Variants in CLVS1 observed in about 807,000 individuals in gnomAD.
The protein encoded by CLVS1 is clavesin-1.
Under a neutral mutation model 33.1 loss-of-function variants are expected in CLVS1, and 10 were observed. That is an observed-to-expected ratio of 0.30 (90% CI 0.19 to 0.51). CLVS1 has a LOEUF of 0.51. Ranked by LOEUF, CLVS1 falls within the 20% of genes least tolerant of loss-of-function variation. CLVS1 has a pLI of 0.97. For missense variants in CLVS1, 343 were observed against 433.4 expected (o/e 0.79, Z 1.85); for synonymous variants, 163 against 166.1 (o/e 0.98, Z 0.14).
chr8:61,014,465 A>G, the CLVS1 span, among the ~76,000 whole-genome samples: 4 of 152,220 alleles, frequency 2.6e-5, no homozygotes, highest in Non-Finnish European at 5.9e-5. Context: ...TGGGACTTCT[A>G]GGAATTAAAG....
At chr8:61,234,109 AG>A in intron 2 of CLVS1, among the ~76,000 whole-genome samples, 1 of 152,228 alleles carries the variant, frequency 6.6e-6, no homozygotes, top group Non-Finnish European at 1.5e-5. Flanking sequence ...GTAGGAGGGT[AG>A]GGGGGCCAGC....
At position 61,328,146 on chromosome 8, in the gene CLVS1, C is replaced by A. The variant is rs1240941900; in HGVS notation, c.455+27864C>A. 3.9e-5 allele frequency among the ~76,000 whole-genome samples: 6 copies of A among 152,026 alleles called. No homozygotes were observed. In the East Asian group the frequency reaches 1.2e-3, roughly 29 times the overall value. On this transcript the variant is annotated intron_variant, in intron 2 of 5. Coordinates refer to ENST00000325897, the MANE Select transcript of CLVS1 (RefSeq NM_173519.3). ...AGGCTCTGGGAGTTTCATGAACTTG[C>A]CTGAGACCATAGCTGTAGTAAACGG...
At chr8:60,995,846 G>C in the CLVS1 span, among the ~76,000 whole-genome samples, 3 of 152,186 alleles carry the variant, frequency 2.0e-5, no homozygotes, top group African/African-American at 7.2e-5. Flanking sequence ...AAAATGATGA[G>C]TTCATGTCCT....
intron 3 of CLVS1, among the ~76,000 whole-genome samples, chr8:61,450,337 G>A (rs1816908354): frequency 6.6e-6 from 1 of 152,084 alleles, no homozygotes; most frequent in Non-Finnish European, 1.5e-5. Context: ...GCTTATCTAA[G>A]GTTTACAGGC....
chr8:61,359,577 A>C (rs1812885342), intron 2 of CLVS1, among the ~76,000 whole-genome samples: 1 of 152,062 alleles, frequency 6.6e-6, no homozygotes, highest in Non-Finnish European at 1.5e-5. Context: ...GCTGGTCTTG[A>C]ACTCCTGGCC....
chr8:61,483,611 A>G (rs971340984), intron 5 of CLVS1, among the ~76,000 whole-genome samples: 15 of 152,242 alleles, frequency 9.9e-5, no homozygotes, highest in African/African-American at 3.6e-4. Flanking sequence ...AGCCAACATC[A>G]TCCTGATACC....
intron 2 of CLVS1, among the ~76,000 whole-genome samples, chr8:61,372,460 G>A (rs537074699): frequency 6.6e-6 from 1 of 152,262 alleles, no homozygotes; most frequent in African/African-American, 2.4e-5. Flanking sequence ...TGTGAAGACA[G>A]TACAGAGACT....
At chr8:61,474,793 AG>A (rs2129607874) in intron 5 of CLVS1, among the ~76,000 whole-genome samples, 1 of 151,942 alleles carries the variant, frequency 6.6e-6, no homozygotes, top group Admixed American at 6.5e-5. Flanking sequence ...AAGCAGGGCA[AG>A]TCTTTTTTTT....
chr8:61,013,895 C>T, the CLVS1 span, among the ~76,000 whole-genome samples: 11 of 152,308 alleles, frequency 7.2e-5, no homozygotes, highest in South Asian at 1.0e-3. Context: ...CTGAGGACCC[C>T]GAGCTGAAGC....
chr8:61,120,399 T>G (rs1471551193), intron 1 of CLVS1, among the ~76,000 whole-genome samples: 3 of 130,224 alleles, frequency 2.3e-5, no homozygotes, highest in Non-Finnish European at 4.8e-5. Context: ...CATCCAGCTT[T>G]GTTCCGTTGC....
At chr8:61,077,912 G>A (rs1185768123) in intron 1 of CLVS1, among the ~76,000 whole-genome samples, 1 of 152,194 alleles carries the variant, frequency 6.6e-6, no homozygotes, top group Non-Finnish European at 1.5e-5. Context: ...GCCATGCACT[G>A]GGCAGGAAGG....
intron 3 of CLVS1, chr8:61,378,327 G>A (rs1813730754): frequency 6.6e-6 from 1 of 152,012 alleles, no homozygotes; most frequent in Admixed American, 6.6e-5. Context: ...GAAAATGTAT[G>A]GATTACTTAA....
chr8:61,051,682 T>C, the CLVS1 span, among the ~76,000 whole-genome samples: 1 of 152,268 alleles, frequency 6.6e-6, no homozygotes, highest in Non-Finnish European at 1.5e-5. Flanking sequence ...GTGGCTGAGC[T>C]GACTGGGTGT....
rs75823101 is a variant in CLVS1, at chr8:61,330,816, T to G, written c.455+30534T>G. On this transcript the variant is annotated intron_variant, in intron 2 of 5. Coordinates refer to ENST00000325897, the MANE Select transcript of CLVS1 (RefSeq NM_173519.3). ...AACATTGTGTGGTGCTGGACTGGGC[T>G]TGGTGTCTCGTGCCTGCAATCCCAG... is the stretch of plus-strand genomic sequence containing the variant. Among the ~76,000 whole-genome samples the G allele has an allele frequency of 4.0e-3, 614 of 152,180 alleles. 1 individual carries two copies. The highest frequency in any genetic ancestry group is 0.014 in the African/African-American group (573 of 41,514).
At chr8:60,998,121 CCCT>C in the CLVS1 span, among the ~76,000 whole-genome samples, 2 of 152,084 alleles carry the variant, frequency 1.3e-5, no homozygotes, top group Non-Finnish European at 2.9e-5. Context: ...GTTGAGTGCT[CCCT>C]CAAGGAGGAT....
chr8:61,040,878 T>C, the CLVS1 span, among the ~76,000 whole-genome samples: 3 of 152,332 alleles, frequency 2.0e-5, no homozygotes, highest in South Asian at 2.1e-4. Flanking sequence ...CAATTGCTCT[T>C]GAGGACTTGG....
the CLVS1 span, chr8:60,965,255 T>C: frequency 6.6e-6 from 1 of 152,166 alleles, no homozygotes; most frequent in African/African-American, 2.4e-5. Context: ...GAGCAAGAGT[T>C]TGTCAATTCA....
At chr8:61,257,298 G>A (rs577801409) in intron 2 of CLVS1, among the ~76,000 whole-genome samples, 2 of 152,136 alleles carry the variant, frequency 1.3e-5, no homozygotes, top group Non-Finnish European at 2.9e-5. Context: ...AACTGATGAC[G>A]TTCAGGCCTT....
intron 3 of CLVS1, among the ~76,000 whole-genome samples, chr8:61,425,087 T>C (rs1815831539): frequency 6.6e-6 from 1 of 152,174 alleles, no homozygotes; most frequent in African/African-American, 2.4e-5. Flanking sequence ...CCAAGCATTT[T>C]GGCTAAGGAA....
Sources: allele counts gnomAD v4.1 joint callset (sites outside exome capture counted in the v4.1 genomes callset), GRCh38; gene constraint gnomAD v4.1.1; transcripts MANE v1.5; gene names NCBI Gene and HGNC (gene_info 2026-07-23, HGNC 2026-07-21).